Variants in KLRF1 observed in about 807,000 individuals in gnomAD.
KLRF1 encodes killer cell lectin-like receptor subfamily F member 1.
A neutral mutation model predicts 30.7 loss-of-function variants in KLRF1; 27 were observed. The ratio of observed to expected loss-of-function variants is 0.88; its 90% CI spans 0.65 to 1.21. KLRF1 has a LOEUF of 1.21. Among genes scored for constraint, KLRF1 ranks in the 50% most tolerant of loss-of-function variants. The probability of loss-of-function intolerance (pLI) is 0.00; values close to 1 mark genes in which losing one functional copy is unlikely to be tolerated. For synonymous variants in KLRF1, 92 were observed against 89.3 expected, an observed-to-expected ratio of 1.03 and a Z score of -0.17; for missense variants, 246 against 259.3, an observed-to-expected ratio of 0.95 and a Z score of 0.35.
the KLRF1 span, among the ~76,000 whole-genome samples, chr12:9,810,834 C>T: frequency 6.6e-6 from 1 of 152,134 alleles, no homozygotes; most frequent in African/African-American, 2.4e-5. Context: ...CAATATCTTT[C>T]TGTGTCAATA....
intron 5 of KLRF1, among the ~76,000 whole-genome samples, chr12:9,844,087 C>T (rs1867760810): frequency 6.6e-6 from 1 of 151,906 alleles, no homozygotes; most frequent in African/African-American, 2.4e-5. Flanking sequence ...TATAAGAAGG[C>T]AAGAGAGGTT....
At chr12:9,803,278 A>G in the KLRF1 span, among the ~76,000 whole-genome samples, 1,250 of 152,184 alleles carry the variant, frequency 8.2e-3, 14 homozygotes, top group African/African-American at 0.028. Flanking sequence ...CAGAATCTGG[A>G]CCTCTTCGTT....
chr12:9,837,642 T>C (rs906081673), intron 3 of KLRF1, among the ~76,000 whole-genome samples: 20 of 152,184 alleles, frequency 1.3e-4, no homozygotes, highest in African/African-American at 4.8e-4. Flanking sequence ...TCAGTCCTAT[T>C]GTTTGTTCCA....
At chr12:9,829,745 C>G (rs543769003) in intron 1 of KLRF1, among the ~76,000 whole-genome samples, 3 of 151,992 alleles carry the variant, frequency 2.0e-5, no homozygotes, top group Admixed American at 2.0e-4. Flanking sequence ...AGCAACAGAG[C>G]GAGACCCTGT....
the KLRF1 span, among the ~76,000 whole-genome samples, chr12:9,811,029 T>C: frequency 6.6e-6 from 1 of 152,040 alleles, no homozygotes; most frequent in Admixed American, 6.5e-5. Flanking sequence ...ATGGTGAGGC[T>C]GAAGGGAGTG....
the KLRF1 span, among the ~76,000 whole-genome samples, chr12:9,818,308 AC>A: frequency 6.6e-6 from 1 of 152,132 alleles, no homozygotes; most frequent in Non-Finnish European, 1.5e-5. Context: ...TCTTCTTTGT[AC>A]CTGTCCATGT....
the KLRF1 span, among the ~76,000 whole-genome samples, chr12:9,813,864 A>G: frequency 1.6e-3 from 242 of 152,060 alleles, 1 homozygote; most frequent in African/African-American, 4.7e-3. Context: ...CGAGACTAGG[A>G]TGGGGAGCTG....
At chr12:9,822,841 A>T (rs1260671782), upstream of KLRF1, among the ~76,000 whole-genome samples, 1 of 152,204 alleles carries the variant, frequency 6.6e-6, no homozygotes, top group Non-Finnish European at 1.5e-5. Context: ...GACAAAACAG[A>T]CTTTAAACCA....
upstream of KLRF1, among the ~76,000 whole-genome samples, chr12:9,825,035 C>T (rs1437389468): frequency 6.6e-6 from 1 of 152,078 alleles, no homozygotes; most frequent in Non-Finnish European, 1.5e-5. Flanking sequence ...TTAAAATGGT[C>T]ATATTGCCCA....
intron 3 of KLRF1, among the ~76,000 whole-genome samples, chr12:9,840,746 A>G (rs1174540850): frequency 1.3e-5 from 2 of 152,134 alleles, no homozygotes; most frequent in South Asian, 4.1e-4. Flanking sequence ...GTTAACGACG[A>G]TGAGGTACTA....
upstream of KLRF1, among the ~76,000 whole-genome samples, chr12:9,823,920 A>G (rs1867253641): frequency 6.6e-6 from 1 of 152,148 alleles, no homozygotes; most frequent in African/African-American, 2.4e-5. Flanking sequence ...CAGCCTCCCA[A>G]CACCGAACCA....
intron 3 of KLRF1, among the ~76,000 whole-genome samples, chr12:9,837,094 A>G (rs1326207788): frequency 1.3e-5 from 2 of 152,030 alleles, no homozygotes; most frequent in African/African-American, 2.4e-5. Flanking sequence ...AATCCCTTAC[A>G]TACCCAACAA....
intron 5 of KLRF1, among the ~76,000 whole-genome samples, chr12:9,842,668 A>T (rs1867731038): frequency 6.6e-6 from 1 of 152,142 alleles, no homozygotes; most frequent in African/African-American, 2.4e-5. Context: ...ATAGAAAAGT[A>T]GATTGAATGA....
intron 3 of KLRF1, among the ~76,000 whole-genome samples, chr12:9,835,955 G>C (rs890338459): frequency 6.6e-6 from 1 of 152,066 alleles, no homozygotes; most frequent in African/African-American, 2.4e-5. Flanking sequence ...CTTCAGGAGG[G>C]TAAAGGTGAG....
intron 3 of KLRF1, among the ~76,000 whole-genome samples, chr12:9,836,175 G>A (rs1867571832): frequency 6.6e-6 from 1 of 151,966 alleles, no homozygotes. Context: ...ACATAAGAAT[G>A]GGAATGATCC....
At chr12:9,832,020 G>C (rs1310184864) in intron 1 of KLRF1, among the ~76,000 whole-genome samples, 3 of 152,134 alleles carry the variant, frequency 2.0e-5, no homozygotes, top group Non-Finnish European at 4.4e-5. Flanking sequence ...CTCCGCAATG[G>C]TTGGAAAATT....
At chr12:9,836,696 T>C (rs901048595) in intron 3 of KLRF1, among the ~76,000 whole-genome samples, 3 of 152,184 alleles carry the variant, frequency 2.0e-5, no homozygotes, top group Non-Finnish European at 4.4e-5. Flanking sequence ...TATGTTCTAC[T>C]TATTGACACT....
intron 5 of KLRF1, among the ~76,000 whole-genome samples, chr12:9,843,639 C>A (rs781004896): frequency 3.9e-4 from 60 of 152,222 alleles, no homozygotes; most frequent in Non-Finnish European, 7.4e-4. Flanking sequence ...CATTCCAAAT[C>A]CATTCATCAC....
Position 9,844,554 on chromosome 12 carries a change from T to A in KLRF1, c.*28T>A, listed in dbSNP as rs763385767. 9.6e-5 allele frequency: 118 copies of A among 1,232,652 alleles called. 2 individuals are homozygous for A. The South Asian group carries it at 1.4e-3, about 14-fold the overall frequency. 76.4% of individuals were successfully genotyped at this position (1,232,652 alleles called of 1,614,324 possible). A position where few individuals can be genotyped will look rare whatever the true frequency, so the allele number is the denominator to read the frequency against. On this transcript the variant is annotated 3_prime_UTR_variant, in exon 6 of 6. Coordinates refer to ENST00000617889, the MANE Select transcript of KLRF1 (RefSeq NM_016523.3). ...TTTGACAAAATTCACAGTGAAATAA[T>A]CAATGATCACTATTTTTGGCCTATT...
Sources: gnomAD v4.1 joint callset for allele counts (sites outside exome capture counted in the v4.1 genomes callset) on GRCh38, gnomAD v4.1.1 for gene constraint, MANE v1.5 for transcripts, NCBI Gene and HGNC (gene_info 2026-07-23, HGNC 2026-07-21) for gene names.